Variants in NPIPB15 observed in about 807,000 individuals in gnomAD.
NPIPB15 encodes nuclear pore complex interacting protein family member B15, also known as nuclear pore complex-interacting protein family member B15.
A neutral mutation model predicts 35.9 loss-of-function variants in NPIPB15; 5 were observed. The observed-to-expected ratio is 0.14, with a 90% CI of 0.07 to 0.29. The LOEUF is 0.29. Among genes scored for constraint, NPIPB15 ranks in the 10% least tolerant of loss-of-function variants. The pLI is 1.00. For synonymous variants in NPIPB15, 43 were observed against 182.0 expected (o/e 0.24, Z 6.15); for missense variants, 100 against 506.1 (o/e 0.20, Z 7.70).
At chr16:74,379,387 A>G (rs1194705698) in intron 2 of NPIPB15, among the ~76,000 whole-genome samples, 4 of 152,270 alleles carry the variant, frequency 2.6e-5, no homozygotes, top group Non-Finnish European at 5.9e-5. Context: ...CTTGAAAGAA[A>G]CATTTAAAAT....
rs1159673771 is a variant in NPIPB15 at position 74,376,404 on chromosome 16, G to C, written c.-965G>C. ...GCCAGGAAAGGTGATGGACAGTGGG[G>C]GTCTGTCCTGGTCACCAGACCCCTG... On this transcript the variant is annotated 5_prime_UTR_variant, in exon 1 of 8. Coordinates refer to ENST00000692376, the MANE Select transcript of NPIPB15 (RefSeq NM_001306094.2). Among the ~76,000 whole-genome samples, 1 of 151,302 alleles carries C rather than the reference G, an allele frequency of 6.6e-6. No individual in the cohort carries two copies. The highest frequency in any genetic ancestry group is 6.7e-5 in the Admixed American group (1 of 14,976).
At chr16:74,377,476 G>A (rs1289429957) in intron 1 of NPIPB15, among the ~76,000 whole-genome samples, 130 bp downstream of exon 1, 5 of 152,082 alleles carry the variant, frequency 3.3e-5, no homozygotes, top group Admixed American at 2.0e-4. Flanking sequence ...GGGTCATCAG[G>A]GATTGGTGGA....
At chr16:74,384,212 G>A (rs1176047096) in intron 3 of NPIPB15, among the ~76,000 whole-genome samples, 5 of 97,838 alleles carry the variant, frequency 5.1e-5, no homozygotes, top group Admixed American at 1.4e-4. Flanking sequence ...GGAGCAGGGG[G>A]TGAAATGTTA....
intron 3 of NPIPB15, among the ~76,000 whole-genome samples, chr16:74,384,991 TTGTGTGTGTGTGTGTGTGTGTGTG>T (rs199888896): frequency 0.12 from 11,451 of 93,220 alleles, 389 homozygotes; most frequent in East Asian, 0.38. Context: ...CATGTCATTC[TTGTGTGTGTGTGTGTGTGTGTGTG>T]TGTGTGTGTG....
chr16:74,389,363 GTTTTTTTGTTTT>G (rs1490565975), intron 5 of NPIPB15, among the ~76,000 whole-genome samples: 4 of 149,300 alleles, frequency 2.7e-5, no homozygotes, highest in Non-Finnish European at 3.0e-5. Flanking sequence ...AGACCGTACA[GTTTTTTTGTTTT>G]TGTTTTTGTT....
Position 74,376,605 on chromosome 16 carries a change from C to G in NPIPB15, c.-764C>G, listed in dbSNP as rs1407085160. 6.6e-6 allele frequency among the ~76,000 whole-genome samples: 1 copy of G among 151,918 alleles called. No homozygotes were observed. The highest frequency in any genetic ancestry group is 2.1e-4 in the South Asian group (1 of 4,802). On this transcript the variant is annotated 5_prime_UTR_variant, in exon 1 of 8. Transcript: ENST00000692376. ...ATGAAGGTCAACTTGGTTTTCTCCCCCTCATTTGGGTTCAGAATTTAAAGT... is the reference window on the plus strand; with the variant it reads ...ATGAAGGTCAACTTGGTTTTCTCCCGCTCATTTGGGTTCAGAATTTAAAGT...
At chr16:74,384,665 C>A (rs7191278) in intron 3 of NPIPB15, among the ~76,000 whole-genome samples, 1 of 114,340 alleles carries the variant, frequency 8.7e-6, no homozygotes, top group South Asian at 3.1e-4. Flanking sequence ...CCGCACCTGG[C>A]CTATTTTTTT....
intron 2 of NPIPB15, 126 bp from the exon 3 acceptor site, chr16:74,381,380 GTGGAATCCCA>G: frequency 9.9e-7 from 1 of 1,006,518 alleles, no homozygotes; most frequent in East Asian, 2.7e-5. Context: ...TTTTGTAGCA[GTGGAATCCCA>G]CGGTGATATC....
chr16:74,376,679 G>C lies in NPIPB15; in HGVS notation c.-690G>C. 6.6e-6 allele frequency among the ~76,000 whole-genome samples: 1 copy of C among 152,128 alleles called. No individual in the cohort carries two copies. Among genetic ancestry groups the C allele is most frequent in the Non-Finnish European group, 1.5e-5 (1 of 68,036 alleles). On this transcript the variant is annotated 5_prime_UTR_variant, in exon 1 of 8. Transcript: ENST00000692376. ...ATTATAGATAAGGACATCATCACTCGGTTTCAGATGTTAAAATGTCTAGGT... is the reference window on the plus strand; with the variant it reads ...ATTATAGATAAGGACATCATCACTCCGTTTCAGATGTTAAAATGTCTAGGT...
intron 2 of NPIPB15, among the ~76,000 whole-genome samples, chr16:74,379,090 G>A (rs1326222228): frequency 1.3e-4 from 19 of 147,094 alleles, no homozygotes; most frequent in African/African-American, 3.5e-4. Flanking sequence ...GTGAACCACC[G>A]TGCCCAGCCA....
Position 74,377,275 on chromosome 16 carries a change from C to G in NPIPB15, c.-94C>G, listed in dbSNP as rs1430845455. On this transcript the variant is annotated 5_prime_UTR_variant, in exon 1 of 8. Transcript: ENST00000692376. The stretch of plus-strand genomic sequence containing the variant: ...GTCGCCAAAAGTGACCTTGAGGAAC[C>G]CTGGGAGCTCAGGAAGGAAGGAGAG... Among the ~76,000 whole-genome samples the G allele has an allele frequency of 3.3e-5, 5 of 151,426 alleles. No individual in the cohort carries two copies. Among genetic ancestry groups the G allele is most frequent in the Admixed American group, 2.7e-4 (4 of 15,070 alleles).
intron 2 of NPIPB15, 24 bp from the exon 3 acceptor site, chr16:74,381,492 T>C (rs564628135): frequency 1.3e-5 from 20 of 1,579,594 alleles, no homozygotes; most frequent in Non-Finnish European, 1.5e-5. Context: ...GACCTTTTCA[T>C]TCTTTCAACT....
At chr16:74,389,043 AGACTGT>A in intron 5 of NPIPB15, among the ~76,000 whole-genome samples, 1 of 149,234 alleles carries the variant, frequency 6.7e-6, no homozygotes, top group South Asian at 2.1e-4. Context: ...ATTGCCAGCT[AGACTGT>A]GTGGAAACTC....
At position 74,385,169 on chromosome 16, in the gene NPIPB15, A is replaced by T. The variant is rs1597156667; in HGVS notation, c.250-173A>T. On this transcript the variant is annotated intron_variant, in intron 3 of 7. Transcript: ENST00000692376. ...GCTTGGATTACAGGCGCCCGCTGCCATGCCTGGCTAATTTTTGTATTTTTA... is the reference window on the plus strand; with the variant it reads ...GCTTGGATTACAGGCGCCCGCTGCCTTGCCTGGCTAATTTTTGTATTTTTA... Among the ~76,000 whole-genome samples, 3 of 149,190 alleles carry T rather than the reference A, an allele frequency of 2.0e-5. No individual in the cohort carries two copies. In the Admixed American group the frequency reaches 2.0e-4, roughly 10 times the overall value.
At position 74,387,383 on chromosome 16, in the gene NPIPB15, G is replaced by A. The variant is rs1464346155; in HGVS notation, c.545+1634G>A. Among the ~76,000 whole-genome samples, 14 of 149,260 alleles carry A rather than the reference G, an allele frequency of 9.4e-5. 1 individual carries two copies. The highest frequency in any genetic ancestry group is 3.3e-4 in the African/African-American group (13 of 39,596). Reference sequence around the variant, plus strand: ...GATTCCAAATGCGAGGCTGACTTTCGTCCTGGGTTTCCTTCTTCTCCATCT... The same window carrying A: ...GATTCCAAATGCGAGGCTGACTTTCATCCTGGGTTTCCTTCTTCTCCATCT... On this transcript the variant is annotated intron_variant, in intron 5 of 7. Coordinates refer to ENST00000692376, the MANE Select transcript of NPIPB15 (RefSeq NM_001306094.2).
At chr16:74,382,930 TTTCTC>T (rs2012072731) in intron 3 of NPIPB15, among the ~76,000 whole-genome samples, 1 of 147,188 alleles carries the variant, frequency 6.8e-6, no homozygotes, top group Non-Finnish European at 1.5e-5. Flanking sequence ...TTTTTTTTCT[TTTCTC>T]ACCCCCGAAA....
intron 5 of NPIPB15, among the ~76,000 whole-genome samples, chr16:74,387,986 G>C (rs1012736856): frequency 1.3e-5 from 2 of 151,918 alleles, no homozygotes; most frequent in African/African-American, 4.8e-5. Context: ...GTTAAAGTCA[G>C]TCAACACCAG....
At chr16:74,378,819 TGA>T (rs2011824095) in intron 2 of NPIPB15, among the ~76,000 whole-genome samples, 1 of 151,876 alleles carries the variant, frequency 6.6e-6, no homozygotes, top group African/African-American at 2.4e-5. Flanking sequence ...TTTATTTATT[TGA>T]GACAGTTTCT....
chr16:74,379,693 G>C (rs1207672771), intron 2 of NPIPB15, among the ~76,000 whole-genome samples: 2 of 151,822 alleles, frequency 1.3e-5, no homozygotes, highest in African/African-American at 4.8e-5. Context: ...GGGTTCAAGT[G>C]ATTCTTCTGC....
Sources: allele counts gnomAD v4.1 joint callset (sites outside exome capture counted in the v4.1 genomes callset), GRCh38; gene constraint gnomAD v4.1.1; transcripts MANE v1.5; gene names NCBI Gene and HGNC (gene_info 2026-07-23, HGNC 2026-07-21).